Variants in TTC28 observed in about 807,000 individuals in gnomAD.
TTC28 encodes tetratricopeptide repeat protein 28.
In TTC28, 61 loss-of-function variants were observed where a neutral mutation model predicts 198.0. The ratio of observed to expected loss-of-function variants is 0.31; its 90% CI spans 0.25 to 0.38. The LOEUF (loss-of-function observed/expected upper bound fraction) is 0.38, where lower values mean the gene tolerates loss of function less well. Among genes scored for constraint, TTC28 ranks in the 10% least tolerant of loss-of-function variants. The pLI, the probability that TTC28 is intolerant of heterozygous loss-of-function variation, is 1.00. For missense variants in TTC28, 2,678 were observed against 3,164.0 expected (o/e 0.85, Z 3.69); for synonymous variants, 1,171 against 1,297.8 (o/e 0.90, Z 2.10).
intron 5 of TTC28, among the ~76,000 whole-genome samples, chr22:28,294,502 T>G (rs1433419955): frequency 6.6e-6 from 1 of 152,036 alleles, no homozygotes; most frequent in Non-Finnish European, 1.5e-5. Context: ...CCCTTTGTAG[T>G]AATTGGGCTA....
chr22:28,540,427 A>G (rs892941772), intron 2 of TTC28, among the ~76,000 whole-genome samples: 2 of 152,292 alleles, frequency 1.3e-5, no homozygotes, highest in East Asian at 3.9e-4. Context: ...TAAAATCTAT[A>G]TATTCAGTGT....
chr22:28,348,312 T>C (rs933059208), intron 2 of TTC28, among the ~76,000 whole-genome samples: 2 of 152,114 alleles, frequency 1.3e-5, no homozygotes, highest in African/African-American at 2.4e-5. Context: ...CCTTAAAAGA[T>C]AGAATGAAGC....
intron 2 of TTC28, among the ~76,000 whole-genome samples, chr22:28,418,541 G>T (rs896808096): frequency 6.6e-6 from 1 of 152,120 alleles, no homozygotes. Flanking sequence ...CTCAAAGTGT[G>T]GGTCACAAAG....
At chr22:28,144,227 C>T (rs753805675) in intron 6 of TTC28, among the ~76,000 whole-genome samples, 2 of 152,222 alleles carry the variant, frequency 1.3e-5, no homozygotes, top group Non-Finnish European at 2.9e-5. Flanking sequence ...CCAGGCCACA[C>T]AGCTCATAAA....
At chr22:28,470,735 G>A (rs1198803522) in intron 2 of TTC28, among the ~76,000 whole-genome samples, 1 of 152,156 alleles carries the variant, frequency 6.6e-6, no homozygotes, top group Non-Finnish European at 1.5e-5. Context: ...TTTGTAAGAA[G>A]GAAGTTACAA....
chr22:28,164,144 A>G (rs575570996), intron 5 of TTC28, among the ~76,000 whole-genome samples: 37 of 152,330 alleles, frequency 2.4e-4, no homozygotes, highest in East Asian at 2.1e-3. Flanking sequence ...CAAAGTGGCC[A>G]GGAAGCTCGA....
chr22:28,084,761 G>A (rs1034649952), intron 12 of TTC28, among the ~76,000 whole-genome samples: 2 of 151,620 alleles, frequency 1.3e-5, no homozygotes, highest in Non-Finnish European at 2.9e-5. Context: ...TAAAAACTTT[G>A]AAAAAAAATT....
intron 12 of TTC28, among the ~76,000 whole-genome samples, chr22:28,064,656 C>T (rs1313111375): frequency 6.6e-6 from 1 of 152,008 alleles, no homozygotes; most frequent in Non-Finnish European, 1.5e-5. Context: ...TATACCCCTC[C>T]CCCAAATAAC....
intron 2 of TTC28, among the ~76,000 whole-genome samples, chr22:28,342,716 C>T (rs992274978): frequency 3.3e-5 from 5 of 152,156 alleles, no homozygotes; most frequent in Non-Finnish European, 7.4e-5. Flanking sequence ...ATCAAATTTA[C>T]ATTTTAGAAC....
chr22:28,337,040 T>C (rs1222996470), intron 2 of TTC28, among the ~76,000 whole-genome samples: 2 of 152,162 alleles, frequency 1.3e-5, no homozygotes, highest in Non-Finnish European at 2.9e-5. Context: ...GTATGTTGTG[T>C]CTTTGTTCTC....
At chr22:28,336,816 G>T (rs1324188037) in intron 2 of TTC28, among the ~76,000 whole-genome samples, 1 of 151,726 alleles carries the variant, frequency 6.6e-6, no homozygotes, top group Non-Finnish European at 1.5e-5. Flanking sequence ...ATTTTTTGAG[G>T]GGCTTTTTGT....
intron 2 of TTC28, among the ~76,000 whole-genome samples, chr22:28,349,485 A>G (rs979970626): frequency 8.5e-5 from 13 of 152,318 alleles, no homozygotes; most frequent in African/African-American, 2.9e-4. Context: ...GAATGGTACT[A>G]AAGAATACTG....
intron 3 of TTC28, among the ~76,000 whole-genome samples, chr22:28,299,465 A>C (rs942734845): frequency 6.6e-6 from 1 of 152,216 alleles, no homozygotes; most frequent in African/African-American, 2.4e-5. Flanking sequence ...CAGAGAACAA[A>C]GAACATTTTT....
chr22:28,567,477 TAC>T (rs1459853829), intron 2 of TTC28, among the ~76,000 whole-genome samples: 12 of 78,064 alleles, frequency 1.5e-4, no homozygotes, highest in African/African-American at 1.7e-4. Context: ...TATACATACA[TAC>T]ATATATATAT....
chr22:28,578,131 GTA>G (rs1436744920), intron 2 of TTC28, among the ~76,000 whole-genome samples: 33 of 151,738 alleles, frequency 2.2e-4, no homozygotes, highest in Admixed American at 2.2e-3. Context: ...GTGATCTACT[GTA>G]TATTTTTTTA....
At chr22:28,658,564 T>C (rs2051694630) in intron 1 of TTC28, among the ~76,000 whole-genome samples, 1 of 152,202 alleles carries the variant, frequency 6.6e-6, no homozygotes, top group South Asian at 2.1e-4. Flanking sequence ...GTTTAGTGGA[T>C]AGAGTTTCAC....
chr22:28,630,900 T>C (rs552440720), intron 1 of TTC28, among the ~76,000 whole-genome samples: 1 of 152,088 alleles, frequency 6.6e-6, no homozygotes, highest in African/African-American at 2.4e-5. Context: ...ATGGAAAAAA[T>C]AAAATACAAA....
At chr22:28,010,463 G>A (rs1222365136) in intron 14 of TTC28, among the ~76,000 whole-genome samples, 5 of 152,176 alleles carry the variant, frequency 3.3e-5, no homozygotes, top group Non-Finnish European at 5.9e-5. Context: ...ATGACCTGTG[G>A]CGCTGGGGAA....
intron 5 of TTC28, among the ~76,000 whole-genome samples, chr22:28,292,006 A>G (rs1408436012): frequency 6.6e-6 from 1 of 151,932 alleles, no homozygotes; most frequent in East Asian, 1.9e-4. Context: ...TACCAAAAAT[A>G]TTAATAGTAT....
Sources: gnomAD v4.1 joint callset for allele counts (sites outside exome capture counted in the v4.1 genomes callset) on GRCh38, gnomAD v4.1.1 for gene constraint, MANE v1.5 for transcripts, NCBI Gene and HGNC (gene_info 2026-07-23, HGNC 2026-07-21) for gene names.